Variants in MMP26 observed in about 807,000 individuals in gnomAD.
The protein encoded by MMP26 is matrix metalloproteinase-26.
MMP26 carries 33 observed loss-of-function variants against 31.0 expected under a neutral mutation model. That is an observed-to-expected ratio of 1.06 (90% CI 0.81 to 1.42). The LOEUF (loss-of-function observed/expected upper bound fraction) is 1.42, where lower values mean the gene tolerates loss of function less well. Ranked by LOEUF, MMP26 falls within the 40% of genes most tolerant of loss-of-function variation. MMP26 has a pLI of 0.00. For synonymous variants in MMP26, 122 were observed against 114.9 expected (o/e 1.06, Z -0.40); for missense variants, 347 against 316.1 (o/e 1.10, Z -0.74).
chr11:4,935,563 T>C (rs1341217889), intron 2 of MMP26, among the ~76,000 whole-genome samples: 1 of 151,972 alleles, frequency 6.6e-6, no homozygotes, highest in Non-Finnish European at 1.5e-5. Context: ...TTGAATACCC[T>C]TTATTTCCTT....
chr11:4,889,286 A>G (rs1428740598), intron 2 of MMP26, among the ~76,000 whole-genome samples: 3 of 152,156 alleles, frequency 2.0e-5, no homozygotes, highest in Non-Finnish European at 4.4e-5. Context: ...ACATCCTCCC[A>G]TATACCTTAA....
intron 2 of MMP26, among the ~76,000 whole-genome samples, chr11:4,962,371 G>A (rs1195930360): frequency 2.0e-5 from 3 of 152,146 alleles, no homozygotes; most frequent in Non-Finnish European, 4.4e-5. Context: ...TGAAATTATA[G>A]ATTTTTAGGA....
At chr11:4,868,272 C>A (rs1290427819) in intron 2 of MMP26, among the ~76,000 whole-genome samples, 1 of 152,122 alleles carries the variant, frequency 6.6e-6, no homozygotes, top group African/African-American at 2.4e-5. Context: ...AAGTGGAACT[C>A]AAATTGTCCC....
At chr11:4,873,291 T>A (rs1161008284) in intron 2 of MMP26, among the ~76,000 whole-genome samples, 2 of 152,052 alleles carry the variant, frequency 1.3e-5, no homozygotes, top group Non-Finnish European at 2.9e-5. Context: ...CATAATCAAT[T>A]TTCTTATTCT....
intron 1 of MMP26, among the ~76,000 whole-genome samples, chr11:4,741,381 G>A (rs1848309524): frequency 2.0e-5 from 3 of 152,138 alleles, no homozygotes; most frequent in Admixed American, 2.0e-4. Flanking sequence ...GTTTACAATA[G>A]CAAAGTCATG....
chr11:4,800,308 C>G (rs1849164568), intron 2 of MMP26, among the ~76,000 whole-genome samples: 2 of 152,214 alleles, frequency 1.3e-5, no homozygotes, highest in Non-Finnish European at 2.9e-5. Context: ...TGCCTGCAGA[C>G]TTAACACCAC....
intron 2 of MMP26, among the ~76,000 whole-genome samples, chr11:4,805,575 G>C (rs1353247475): frequency 6.6e-6 from 1 of 152,178 alleles, no homozygotes; most frequent in East Asian, 1.9e-4. Flanking sequence ...CATGAAGTCA[G>C]CTGTGAACCC....
At chr11:4,795,014 T>C (rs1432925186) in intron 2 of MMP26, 2 of 152,174 alleles carry the variant, frequency 1.3e-5, no homozygotes, top group African/African-American at 4.8e-5. Flanking sequence ...AGAGTATGAA[T>C]GAATCAGACT....
At chr11:4,848,382 G>A in intron 2 of MMP26, 1 of 1,614,068 alleles carries the variant, frequency 6.2e-7, no homozygotes, top group South Asian at 1.1e-5. Context: ...GGTATGCTGA[G>A]TGATTGGCAG....
chr11:4,975,865 A>G (rs1224104565), intron 2 of MMP26, among the ~76,000 whole-genome samples: 1 of 152,060 alleles, frequency 6.6e-6, no homozygotes, highest in African/African-American at 2.4e-5. Context: ...AACTGCTTTA[A>G]TAGCTCTGCA....
intron 2 of MMP26, among the ~76,000 whole-genome samples, chr11:4,916,994 A>G (rs532518625): frequency 6.6e-6 from 1 of 152,306 alleles, no homozygotes; most frequent in South Asian, 2.1e-4. Flanking sequence ...AAGAGGTCAT[A>G]TGCCAATTCA....
intron 2 of MMP26, among the ~76,000 whole-genome samples, chr11:4,984,975 T>A (rs1450476059): frequency 6.6e-6 from 1 of 152,168 alleles, no homozygotes. Flanking sequence ...TTATTTTTGC[T>A]TCTTTCAAAA....
At chr11:4,783,780 T>C (rs1401288697) in intron 2 of MMP26, among the ~76,000 whole-genome samples, 1 of 152,162 alleles carries the variant, frequency 6.6e-6, no homozygotes, top group Non-Finnish European at 1.5e-5. Context: ...AGTGAATAAG[T>C]CTCACAAGAT....
At chr11:4,714,047 T>A (rs1847894546) in intron 1 of MMP26, among the ~76,000 whole-genome samples, 1 of 152,178 alleles carries the variant, frequency 6.6e-6, no homozygotes, top group Non-Finnish European at 1.5e-5. Context: ...AGATATATGC[T>A]ACTTATTTCT....
intron 2 of MMP26, among the ~76,000 whole-genome samples, chr11:4,859,075 G>T (rs910468896): frequency 6.6e-6 from 1 of 152,166 alleles, no homozygotes; most frequent in African/African-American, 2.4e-5. Flanking sequence ...ATTAATTCAA[G>T]ATGGATTAAA....
chr11:4,786,491 TC>T (rs1282223570), intron 2 of MMP26, among the ~76,000 whole-genome samples: 3 of 126,102 alleles, frequency 2.4e-5, no homozygotes, highest in Non-Finnish European at 3.2e-5. Flanking sequence ...GATCTGCTGA[TC>T]CTTTTTTTTT....
chr11:4,956,578 G>A (rs941816357), intron 2 of MMP26, among the ~76,000 whole-genome samples: 5 of 152,292 alleles, frequency 3.3e-5, no homozygotes, highest in Admixed American at 2.6e-4. Context: ...ACAAGGCCAA[G>A]TCTAAGCAGA....
intron 2 of MMP26, among the ~76,000 whole-genome samples, chr11:4,820,827 A>G (rs1170095955): frequency 4.6e-5 from 7 of 152,172 alleles, no homozygotes; most frequent in Non-Finnish European, 1.0e-4. Context: ...GAAATTATAT[A>G]ATGCATATAA....
chr11:4,958,976 C>T (rs1269538246), intron 2 of MMP26, among the ~76,000 whole-genome samples: 9 of 152,116 alleles, frequency 5.9e-5, no homozygotes, highest in Non-Finnish European at 1.3e-4. Context: ...CGGTGGCTCA[C>T]GCCTGTAATC....
Sources: allele counts gnomAD v4.1 joint callset (sites outside exome capture counted in the v4.1 genomes callset), GRCh38; gene constraint gnomAD v4.1.1; transcripts MANE v1.5; gene names NCBI Gene and HGNC (gene_info 2026-07-23, HGNC 2026-07-21).